Variants in AHR observed in about 807,000 individuals in gnomAD.
AHR encodes aryl hydrocarbon receptor.
Under a neutral mutation model 86.8 loss-of-function variants are expected in AHR, and 40 were observed. That is an observed-to-expected ratio of 0.46 (90% CI 0.36 to 0.60). The LOEUF is 0.60. AHR is among the 20% of genes least tolerant of loss of function. AHR has a pLI of 0.00. For synonymous variants in AHR, 398 were observed against 354.9 expected (o/e 1.12, Z -1.37); for missense variants, 1,001 against 1,011.6 (o/e 0.99, Z 0.14).
At chr7:17,335,430 G>A (rs1373140532) in intron 8 of AHR, among the ~76,000 whole-genome samples, 2 of 151,748 alleles carry the variant, frequency 1.3e-5, no homozygotes, top group East Asian at 3.9e-4. Context: ...AGAATTGTTT[G>A]GTACATAATC....
At chr7:17,317,254 T>C (rs1359787038) in intron 2 of AHR, among the ~76,000 whole-genome samples, 2 of 152,012 alleles carry the variant, frequency 1.3e-5, no homozygotes. Context: ...TTTTCCCCTT[T>C]TGATATAATA....
intron 2 of AHR, among the ~76,000 whole-genome samples, chr7:17,312,983 C>G (rs1251218636): frequency 6.6e-6 from 1 of 152,200 alleles, no homozygotes; most frequent in Non-Finnish European, 1.5e-5. Context: ...GTTTCTTTGC[C>G]TTCAGAATGA....
Position 17,339,594 on chromosome 7 carries a change from G to C in AHR, c.1769G>C (p.Ser590Thr), listed in dbSNP as rs1211171674. The C allele has an allele frequency of 5.0e-6, 8 of 1,614,000 alleles. No homozygotes were observed. The highest frequency in any genetic ancestry group is 6.8e-6 in the Non-Finnish European group (8 of 1,180,048). The change falls in exon 10 of 11, where the codon AGT becomes ACT. Residue 590 changes from serine (S) to threonine (T), a missense_variant. Transcript: ENST00000242057. ...EILTYVQDSL[S>T]KSPFIPSDYQ... ...CTGACGTATGTCCAAGATTCTTTAAGTAAGTCTCCCTTCATACCTTCAGAT... is the reference window on the plus strand; with the variant it reads ...CTGACGTATGTCCAAGATTCTTTAACTAAGTCTCCCTTCATACCTTCAGAT...
chr7:17,309,259 T>G (rs1782037583), intron 1 of AHR, among the ~76,000 whole-genome samples: 1 of 152,208 alleles, frequency 6.6e-6, no homozygotes, highest in Non-Finnish European at 1.5e-5. Flanking sequence ...ATAATTATTG[T>G]CTACATGTAA....
At chr7:17,337,413 T>C (rs1782364881) in intron 9 of AHR, among the ~76,000 whole-genome samples, 1 of 152,050 alleles carries the variant, frequency 6.6e-6, no homozygotes, top group Non-Finnish European at 1.5e-5. Flanking sequence ...TGTGCTTCTG[T>C]TAGTTACTAA....
intron 1 of AHR, among the ~76,000 whole-genome samples, chr7:17,304,824 A>T (rs1781988979): frequency 6.6e-6 from 1 of 152,084 alleles, no homozygotes; most frequent in African/African-American, 2.4e-5. Context: ...CTAATTTAAC[A>T]ATTAACTACC....
intron 2 of AHR, among the ~76,000 whole-genome samples, chr7:17,312,096 C>T (rs533082844): frequency 6.6e-6 from 1 of 152,172 alleles, no homozygotes; most frequent in South Asian, 2.1e-4. Context: ...GGAGCCACTG[C>T]TGTAGATTGT....
At chr7:17,310,406 CCTTCTA>C (rs1486100489) in intron 2 of AHR, among the ~76,000 whole-genome samples, 1 of 151,236 alleles carries the variant, frequency 6.6e-6, no homozygotes, top group African/African-American at 2.4e-5. Flanking sequence ...TTCCAGTTTC[CCTTCTA>C]CTTCAATATT....
chr7:17,343,141 G>C lies in AHR; in HGVS notation c.*77G>C. On this transcript the variant is annotated 3_prime_UTR_variant, in exon 11 of 11. Transcript: ENST00000242057. ...ATTATGGAAAAATAAAACTGTCACT[G>C]TTGGACGTCAGCAAGTTCACATGGA... 6.5e-7 allele frequency: 1 copy of C among 1,532,252 alleles called. No individual in the cohort carries two copies. Among genetic ancestry groups the C allele is most frequent in the East Asian group, 2.3e-5 (1 of 44,376 alleles). 94.9% of individuals were successfully genotyped at this position (1,532,252 alleles called of 1,614,324 possible). A position where few individuals can be genotyped will look rare whatever the true frequency, so the allele number is the denominator to read the frequency against.
chr7:17,327,452 AGTTT>A (rs1782241124), intron 3 of AHR, among the ~76,000 whole-genome samples: 1 of 151,972 alleles, frequency 6.6e-6, no homozygotes, highest in Admixed American at 6.6e-5. Context: ...AATGATGTCT[AGTTT>A]GTTTTTTAAA....
rs1246386818 is a variant in AHR at position 17,343,664 on chromosome 7, A to G, written c.*600A>G. 4 of 152,486 alleles carry G rather than the reference A, an allele frequency of 2.6e-5. No individual in the cohort carries two copies. The highest frequency in any genetic ancestry group is 9.7e-5 in the African/African-American group (4 of 41,426). The allele number at this position is 152,486 out of a possible 1,614,324, so 9.4% of individuals were successfully genotyped here. On this transcript the variant is annotated 3_prime_UTR_variant, in exon 11 of 11. Transcript: ENST00000242057. ...CTAGGATGTATATTTTATATAAAGT[A>G]TTCTTTTTCTTTTTTAAATTAATAT... is the stretch of plus-strand genomic sequence containing the variant.
chr7:17,331,280 C>A (rs1782286117), intron 6 of AHR, among the ~76,000 whole-genome samples: 1 of 151,792 alleles, frequency 6.6e-6, no homozygotes, highest in Non-Finnish European at 1.5e-5. Context: ...ATCTTCAGCC[C>A]AAATTTAGTT....
At chr7:17,319,079 A>T (rs1049921926) in intron 2 of AHR, among the ~76,000 whole-genome samples, 4 of 152,104 alleles carry the variant, frequency 2.6e-5, no homozygotes, top group Non-Finnish European at 4.4e-5. Flanking sequence ...CAAATGTGTC[A>T]TATAGTTACC....
chr7:17,335,412 G>A (rs1194606116), intron 8 of AHR, among the ~76,000 whole-genome samples: 1 of 151,858 alleles, frequency 6.6e-6, no homozygotes, highest in Non-Finnish European at 1.5e-5. Context: ...ATACTTTCCT[G>A]TGTTACTAGA....
intron 10 of AHR, 52 bp from the exon 11 acceptor site, chr7:17,342,869 A>G: frequency 1.3e-6 from 2 of 1,551,516 alleles, no homozygotes; most frequent in Non-Finnish European, 1.8e-6. Flanking sequence ...TACTGGCTTA[A>G]GATACTTGGA....
Position 17,339,916 on chromosome 7 carries a change from A to G in AHR, c.2091A>G (p.Thr697=), listed in dbSNP as rs1237327974. 1 of 1,614,236 alleles carries G rather than the reference A, an allele frequency of 6.2e-7. No individual in the cohort carries two copies. The highest frequency in any genetic ancestry group is 8.5e-7 in the Non-Finnish European group (1 of 1,180,038). ...YKSEMDSMPY[T]QNFISCNQPV... The stretch of plus-strand genomic sequence containing the variant: ...CTGAAATGGATTCTATGCCTTATAC[A>G]CAGAACTTTATTTCCTGTAATCAGC... The change falls in exon 10 of 11, where the codon ACA becomes ACG. Residue 697 remains threonine, a synonymous_variant. Transcript: ENST00000242057.
chr7:17,323,137 G>A (rs979413692), intron 3 of AHR, among the ~76,000 whole-genome samples: 7 of 152,110 alleles, frequency 4.6e-5, no homozygotes, highest in East Asian at 1.9e-4. Context: ...TTAGAAGACC[G>A]GTCAACCCCT....
intron 2 of AHR, among the ~76,000 whole-genome samples, chr7:17,314,374 G>A (rs1782095172): frequency 6.6e-6 from 1 of 152,016 alleles, no homozygotes; most frequent in Admixed American, 6.6e-5. Context: ...GCCTAAAAAT[G>A]CTGTGGGAAG....
intron 2 of AHR, among the ~76,000 whole-genome samples, chr7:17,312,266 T>G (rs561450035): frequency 6.6e-6 from 1 of 152,330 alleles, no homozygotes; most frequent in South Asian, 2.1e-4. Context: ...CAAGGAGGCA[T>G]TATTCTCTGA....
Sources: gnomAD v4.1 joint callset for allele counts (sites outside exome capture counted in the v4.1 genomes callset) on GRCh38, gnomAD v4.1.1 for gene constraint, MANE v1.5 for transcripts, NCBI Gene and HGNC (gene_info 2026-07-23, HGNC 2026-07-21) for gene names.